Variants in CCDC178 observed in about 807,000 individuals in gnomAD.
CCDC178 encodes the protein coiled-coil domain-containing protein 178.
Under a neutral mutation model 117.4 loss-of-function variants are expected in CCDC178, and 126 were observed. That is an observed-to-expected ratio of 1.07 (90% confidence interval 0.93 to 1.24). The LOEUF (loss-of-function observed/expected upper bound fraction) is 1.24. Ranked by LOEUF, CCDC178 falls within the 50% of genes most tolerant of loss-of-function variation. The pLI is 0.00. For synonymous variants in CCDC178, 283 were observed against 313.4 expected (o/e 0.90, Z 1.02); for missense variants, 1,030 against 986.9 (o/e 1.04, Z -0.59).
intron 22 of CCDC178, among the ~76,000 whole-genome samples, chr18:32,968,694 G>A (rs2054866840): frequency 6.6e-6 from 1 of 151,928 alleles, no homozygotes; most frequent in African/African-American, 2.4e-5. Flanking sequence ...TTACCATATA[G>A]AGTGAACCAG....
chr18:33,044,508 A>C (rs1366916820), intron 21 of CCDC178, among the ~76,000 whole-genome samples: 3 of 152,048 alleles, frequency 2.0e-5, no homozygotes, highest in African/African-American at 7.2e-5. Flanking sequence ...TATTATTAAA[A>C]AAACAAACAA....
intron 20 of CCDC178, among the ~76,000 whole-genome samples, chr18:33,198,800 G>C (rs1204957590): frequency 6.6e-6 from 1 of 152,070 alleles, no homozygotes; most frequent in African/African-American, 2.4e-5. Flanking sequence ...AAGAAACGGT[G>C]GCAATGTTTA....
At chr18:33,035,354 G>A (rs1277062281) in intron 21 of CCDC178, among the ~76,000 whole-genome samples, 2 of 151,830 alleles carry the variant, frequency 1.3e-5, no homozygotes, top group Non-Finnish European at 1.5e-5. Flanking sequence ...TAGCAACAGC[G>A]AGTAATGAAG....
chr18:33,429,404 C>A (rs1327227935), intron 2 of CCDC178, among the ~76,000 whole-genome samples: 1 of 151,570 alleles, frequency 6.6e-6, no homozygotes, highest in African/African-American at 2.4e-5. Flanking sequence ...AAGCAAGGGA[C>A]AAAAGTCAGT....
chr18:33,354,801 G>T (rs2063031289), intron 7 of CCDC178, among the ~76,000 whole-genome samples: 1 of 152,056 alleles, frequency 6.6e-6, no homozygotes, highest in African/African-American at 2.4e-5. Context: ...TTTTAGTAAA[G>T]ACGGGGTTTC....
chr18:33,347,533 T>C (rs938353516), intron 8 of CCDC178, among the ~76,000 whole-genome samples: 3 of 152,158 alleles, frequency 2.0e-5, no homozygotes, highest in African/African-American at 7.2e-5. Flanking sequence ...TTTGAATCTA[T>C]TGTTTTCTTT....
intron 14 of CCDC178, among the ~76,000 whole-genome samples, chr18:33,256,377 C>T (rs892936667): frequency 2.4e-4 from 36 of 151,962 alleles, no homozygotes; most frequent in African/African-American, 8.7e-4. Context: ...AGGTTGAGAC[C>T]AACAGCACAG....
chr18:33,314,415 A>T (rs2062390207), intron 11 of CCDC178, among the ~76,000 whole-genome samples: 1 of 152,012 alleles, frequency 6.6e-6, no homozygotes, highest in Non-Finnish European at 1.5e-5. Context: ...CCTCAAAAGG[A>T]CTTTAGCCAA....
intron 20 of CCDC178, among the ~76,000 whole-genome samples, chr18:33,154,013 A>G (rs1166514336): frequency 1.3e-5 from 2 of 152,170 alleles, no homozygotes; most frequent in African/African-American, 2.4e-5. Flanking sequence ...AAAATATTTT[A>G]AAAATTTTGT....
intron 6 of CCDC178, among the ~76,000 whole-genome samples, chr18:33,364,309 T>C (rs990529838): frequency 1.3e-5 from 2 of 152,090 alleles, no homozygotes; most frequent in Non-Finnish European, 2.9e-5. Flanking sequence ...GATAAATGGT[T>C]ACTTTGCTCA....
intron 21 of CCDC178, among the ~76,000 whole-genome samples, chr18:32,979,636 G>A (rs1197992742): frequency 2.0e-5 from 3 of 152,092 alleles, no homozygotes; most frequent in African/African-American, 7.2e-5. Flanking sequence ...GGTATAATGT[G>A]GTCATATATG....
chr18:33,123,445 T>G (rs1032193087), intron 20 of CCDC178, among the ~76,000 whole-genome samples: 1 of 152,128 alleles, frequency 6.6e-6, no homozygotes, highest in Non-Finnish European at 1.5e-5. Flanking sequence ...AGTTTAGCAT[T>G]GAACTACAGA....
chr18:33,418,046 G>T (rs1457724879), intron 2 of CCDC178, among the ~76,000 whole-genome samples: 1 of 152,048 alleles, frequency 6.6e-6, no homozygotes, highest in Non-Finnish European at 1.5e-5. Flanking sequence ...AATGAAAAAG[G>T]AAAATTTCAG....
At chr18:33,183,006 T>A (rs1451256406) in intron 20 of CCDC178, among the ~76,000 whole-genome samples, 1 of 152,066 alleles carries the variant, frequency 6.6e-6, no homozygotes, top group Admixed American at 6.6e-5. Flanking sequence ...CTAAAGAATT[T>A]ATTTTTCTAT....
At chr18:32,984,959 C>T (rs1159020951) in intron 21 of CCDC178, among the ~76,000 whole-genome samples, 1 of 151,868 alleles carries the variant, frequency 6.6e-6, no homozygotes, top group Non-Finnish European at 1.5e-5. Flanking sequence ...CATTTATGAG[C>T]TGTGGTTGAG....
At chr18:33,048,461 T>C (rs1385604090) in intron 21 of CCDC178, among the ~76,000 whole-genome samples, 4 of 152,192 alleles carry the variant, frequency 2.6e-5, no homozygotes, top group South Asian at 2.1e-4. Flanking sequence ...CATTATGAAA[T>C]AGAGTCATTC....
At chr18:33,073,971 C>T (rs990154395) in intron 21 of CCDC178, among the ~76,000 whole-genome samples, 96 of 151,876 alleles carry the variant, frequency 6.3e-4, no homozygotes, top group African/African-American at 2.2e-3. Context: ...ATATACAGCT[C>T]GAAGCATCTG....
intron 21 of CCDC178, among the ~76,000 whole-genome samples, chr18:33,066,589 T>TA (rs1157512154): frequency 2.6e-5 from 4 of 152,206 alleles, no homozygotes; most frequent in African/African-American, 9.6e-5. Context: ...AGCCCAGCTA[T>TA]ATGCTGCCTA....
intron 7 of CCDC178, among the ~76,000 whole-genome samples, chr18:33,352,468 G>A (rs889224347): frequency 1.2e-4 from 18 of 151,742 alleles, no homozygotes; most frequent in African/African-American, 4.4e-4. Context: ...GCTAACTTTG[G>A]GTTTAGCATA....
Sources: gnomAD v4.1 joint callset for allele counts (sites outside exome capture counted in the v4.1 genomes callset) on GRCh38, gnomAD v4.1.1 for gene constraint, MANE v1.5 for transcripts, NCBI Gene and HGNC (gene_info 2026-07-23, HGNC 2026-07-21) for gene names.